The following ZFAT variants were observed in gnomAD, a reference collection of about 807,000 sequenced individuals.
ZFAT encodes the protein zinc finger protein ZFAT.
A neutral mutation model predicts 117.7 loss-of-function variants in ZFAT; 64 were observed. That is an observed-to-expected ratio of 0.54 (90% confidence interval 0.44 to 0.67). The LOEUF is 0.67. Ranked by LOEUF, ZFAT falls within the 30% of genes least tolerant of loss-of-function variation. The probability of loss-of-function intolerance (pLI) is 0.00; values close to 1 mark genes in which losing one functional copy is unlikely to be tolerated. For missense variants in ZFAT, 1,433 were observed against 1,584.5 expected (o/e 0.90, Z 1.62); for synonymous variants, 679 against 615.0 (o/e 1.10, Z -1.54).
At chr8:134,765,651 C>T in the ZFAT span, 5 of 151,934 alleles carry the variant, frequency 3.3e-5, no homozygotes, top group Admixed American at 6.6e-5. Context: ...TGAGTTATAA[C>T]GTTTAGACTA....
At position 134,653,215 on chromosome 8, in the gene ZFAT, A is replaced by G. The variant is rs529989230; in HGVS notation, c.196+4346T>C. Among the ~76,000 whole-genome samples the G allele has an allele frequency of 2.2e-3, 315 of 144,132 alleles. 1 individual carries two copies. The highest frequency in any genetic ancestry group is 7.7e-3 in the African/African-American group (304 of 39,652). 94.6% of individuals were successfully genotyped at this position (144,132 alleles called of 152,430 possible). A position where few individuals can be genotyped will look rare whatever the true frequency, so the allele number is the denominator to read the frequency against. On this transcript the variant is annotated intron_variant, in intron 2 of 15. Transcript: ENST00000377838. ...TTAAGTTTTAGGGTACATGTGCACA[A>G]CGTGCAGGTTTGCTACAAATAGCAA... is the stretch of plus-strand genomic sequence containing the variant.
chr8:134,729,089 A>T, the ZFAT span, among the ~76,000 whole-genome samples: 103 of 152,362 alleles, frequency 6.8e-4, no homozygotes, highest in African/African-American at 2.4e-3. Flanking sequence ...TTTTCCAACT[A>T]ATAGCTTCAT....
Position 134,602,911 on chromosome 8 carries a change from T to C in ZFAT, c.808A>G (p.Ile270Val). ...TTGTTGCAGTATTCACAAGTGAAGA[T>C]TTTGAGCTGAGTGGGACCTAGCCTA... ...SSRLGPTQLK[I>V]FTCEYCNKVF... Residue 270 changes from isoleucine to valine, a missense_variant, in exon 6 of 16, where the codon ATC (isoleucine) becomes GTC (valine). Transcript: ENST00000377838. 1 of 1,611,620 alleles carries C rather than the reference T, an allele frequency of 6.2e-7. No homozygotes were observed. Among genetic ancestry groups the C allele is most frequent in the Non-Finnish European group, 8.5e-7 (1 of 1,178,642 alleles).
At chr8:134,733,743 G>C in the ZFAT span, among the ~76,000 whole-genome samples, 2 of 152,106 alleles carry the variant, frequency 1.3e-5, no homozygotes, top group African/African-American at 2.4e-5. Flanking sequence ...TCTTTGTCTC[G>C]TCCTTGGTAG....
the ZFAT span, among the ~76,000 whole-genome samples, chr8:134,757,004 CT>C: frequency 7.9e-6 from 1 of 126,832 alleles, no homozygotes; most frequent in South Asian, 2.7e-4. Context: ...TTCCCACCTT[CT>C]TTCCTTTTTT....
At chr8:134,628,205 G>T (rs1262154873) in intron 3 of ZFAT, among the ~76,000 whole-genome samples, 1 of 152,204 alleles carries the variant, frequency 6.6e-6, no homozygotes. Flanking sequence ...TTCTGCATAT[G>T]CCAGGATCAT....
chr8:134,824,594 T>C, the ZFAT span, among the ~76,000 whole-genome samples: 1 of 152,216 alleles, frequency 6.6e-6, no homozygotes, highest in Non-Finnish European at 1.5e-5. Context: ...AGTAAAATTA[T>C]TATCTCTACA....
chr8:134,498,017 G>T (rs1818619560), intron 15 of ZFAT, among the ~76,000 whole-genome samples: 1 of 140,648 alleles, frequency 7.1e-6, no homozygotes. Flanking sequence ...GGCCTGATTT[G>T]GTAGGGTTGG....
chr8:134,696,441 TCCA>T, intron 1 of ZFAT: 1 of 985,538 alleles, frequency 1.0e-6, no homozygotes, highest in Non-Finnish European at 1.2e-6. Flanking sequence ...CTCGTAAACC[TCCA>T]CCAAGGGCAG....
At chr8:134,656,343 G>GT (rs762882052) in intron 2 of ZFAT, among the ~76,000 whole-genome samples, 1 of 152,198 alleles carries the variant, frequency 6.6e-6, no homozygotes, top group Non-Finnish European at 1.5e-5. Context: ...CACAAGGCCT[G>GT]TGAGGGGCTG....
chr8:134,645,909 T>G (rs1830862233), intron 2 of ZFAT, among the ~76,000 whole-genome samples: 3 of 152,040 alleles, frequency 2.0e-5, no homozygotes, highest in South Asian at 4.1e-4. Flanking sequence ...CTCTATAAAT[T>G]TAAAAGAACT....
the ZFAT span, among the ~76,000 whole-genome samples, chr8:134,772,342 G>A: frequency 8.1e-4 from 123 of 152,310 alleles, no homozygotes; most frequent in Admixed American, 2.2e-3. Context: ...GAAATTCAAA[G>A]TGCTACTCCA....
the ZFAT span, among the ~76,000 whole-genome samples, chr8:134,760,527 C>T: frequency 1.3e-5 from 2 of 152,200 alleles, no homozygotes; most frequent in Non-Finnish European, 2.9e-5. Flanking sequence ...ATAAAATTGT[C>T]AGTCCTCTCC....
At chr8:134,759,508 G>A in the ZFAT span, among the ~76,000 whole-genome samples, 5 of 152,036 alleles carry the variant, frequency 3.3e-5, no homozygotes, top group Non-Finnish European at 5.9e-5. Context: ...ATAGTTTATA[G>A]CAAATCAAAC....
intron 10 of ZFAT, among the ~76,000 whole-genome samples, chr8:134,568,539 T>C (rs1039838084): frequency 2.2e-4 from 33 of 152,226 alleles, no homozygotes; most frequent in Admixed American, 1.3e-4. Flanking sequence ...CTGTCATTCA[T>C]TGTCAAACAC....
At chr8:134,692,982 A>G (rs572614131) in intron 1 of ZFAT, among the ~76,000 whole-genome samples, 2 of 152,258 alleles carry the variant, frequency 1.3e-5, no homozygotes, top group South Asian at 4.1e-4. Context: ...GTTGAATTGC[A>G]ACTGGAAAAA....
At chr8:134,826,074 A>G in the ZFAT span, among the ~76,000 whole-genome samples, 1 of 152,034 alleles carries the variant, frequency 6.6e-6, no homozygotes, top group Non-Finnish European at 1.5e-5. Flanking sequence ...ATATGTCATT[A>G]CAAGCAAAAA....
intron 3 of ZFAT, among the ~76,000 whole-genome samples, chr8:134,618,317 GAGGTGC>G (rs2131007623): frequency 6.6e-6 from 1 of 152,216 alleles, no homozygotes; most frequent in East Asian, 1.9e-4. Context: ...CAACAGAAGA[GAGGTGC>G]AGCACTGGGG....
chr8:134,698,818 T>C (rs1227413135), intron 1 of ZFAT, among the ~76,000 whole-genome samples: 1 of 152,164 alleles, frequency 6.6e-6, no homozygotes, highest in Non-Finnish European at 1.5e-5. Flanking sequence ...CTACCTGATG[T>C]CTAGCCATCA....
Sources: gnomAD v4.1 joint callset for allele counts (sites outside exome capture counted in the v4.1 genomes callset) on GRCh38, gnomAD v4.1.1 for gene constraint, MANE v1.5 for transcripts, NCBI Gene and HGNC (gene_info 2026-07-23, HGNC 2026-07-21) for gene names.